Variants in CALCOCO1 observed in about 807,000 individuals in gnomAD.
CALCOCO1 encodes the protein calcium binding and coiled-coil domain 1, also known as calcium-binding and coiled-coil domain-containing protein 1.
In CALCOCO1, 44 loss-of-function variants were observed where a neutral mutation model predicts 86.3. The ratio of observed to expected loss-of-function variants is 0.51; its 90% CI spans 0.40 to 0.66. CALCOCO1 has a LOEUF of 0.66. CALCOCO1 is among the 30% of genes least tolerant of loss of function. The pLI, the probability that CALCOCO1 is intolerant of heterozygous loss-of-function variation, is 0.00. For missense variants in CALCOCO1, 708 were observed against 851.1 expected (o/e 0.83, Z 2.09); for synonymous variants, 297 against 327.6 (o/e 0.91, Z 1.01).
At chr12:53,725,441 C>T (rs985266204) in intron 1 of CALCOCO1, among the ~76,000 whole-genome samples, 175 bp from the exon 2 acceptor site, 2 of 152,210 alleles carry the variant, frequency 1.3e-5, no homozygotes, top group Non-Finnish European at 2.9e-5. Context: ...GTCTCTAGGA[C>T]GTAGGTCTGG....
intron 3 of CALCOCO1, 88 bp from the exon 4 acceptor site, chr12:53,723,871 C>T: frequency 8.9e-7 from 1 of 1,118,842 alleles, no homozygotes; most frequent in Non-Finnish European, 1.3e-6. Context: ...ACTGTTTCTT[C>T]TCTTCTCCAC....
At chr12:53,715,769 G>T in intron 9 of CALCOCO1, 24 bp downstream of exon 9, 2 of 1,606,926 alleles carry the variant, frequency 1.2e-6, no homozygotes, top group Non-Finnish European at 1.7e-6. Flanking sequence ...CCATCAGATT[G>T]CCAGGTACCC....
rs369142899 is a variant in CALCOCO1, at chr12:53,715,361, AG to A, written c.1261-37del. 618 of 1,610,612 alleles carry A rather than the reference AG, an allele frequency of 3.8e-4. 5 individuals are homozygous for A. In the South Asian group the frequency reaches 4.4e-3, roughly 11 times the overall value. On this transcript the variant is annotated intron_variant, in intron 9 of 14. Coordinates refer to ENST00000550804, the MANE Select transcript of CALCOCO1 (RefSeq NM_020898.3). ...GCCAAGAAGGAAAATGGGAGGGTGG[AG>A]GGGGAAGAAAAAGGAACGCCACTGT...
At chr12:53,727,141 C>T (rs955655457) in intron 1 of CALCOCO1, among the ~76,000 whole-genome samples, 3 of 151,924 alleles carry the variant, frequency 2.0e-5, no homozygotes, top group South Asian at 2.1e-4. Context: ...ATTTCAGCTC[C>T]CTTGAAGGGA....
Position 53,712,044 on chromosome 12 carries a change from C to T in CALCOCO1, c.1976G>A (p.Cys659Tyr). 1 of 1,612,502 alleles carries T rather than the reference C, an allele frequency of 6.2e-7. No individual in the cohort carries two copies. The highest frequency in any genetic ancestry group is 2.2e-5 in the East Asian group (1 of 44,842). Reference protein sequence around the residue: ...ATPTWKECPICKERFPAESDK... With the variant: ...ATPTWKECPIYKERFPAESDK... ...ACTCTCAGCAGGAAAGCGCTCCTTA[C>T]AGATAGGACACTCCTTCCATGTGGG... is the stretch of plus-strand genomic sequence containing the variant. Residue 659 changes from cysteine (C) to tyrosine (Y), a missense_variant, in exon 15 of 15, where the codon TGT (cysteine) becomes TAT (tyrosine). Transcript: ENST00000550804.
intron 3 of CALCOCO1, 87 bp downstream of exon 3, chr12:53,724,558 A>C: frequency 1.1e-6 from 1 of 945,012 alleles, no homozygotes; most frequent in Non-Finnish European, 1.7e-6. Context: ...CTTTGTGCCT[A>C]ACTTTTAATG....
chr12:53,714,910 C>T (rs997805014), intron 10 of CALCOCO1, among the ~76,000 whole-genome samples: 2 of 152,286 alleles, frequency 1.3e-5, no homozygotes, highest in South Asian at 2.1e-4. Flanking sequence ...CTCTGCCTCT[C>T]GAGTGGGGAC....
In CALCOCO1 at chr12:53,715,900, G is replaced by C; in HGVS notation, c.1153C>G (p.Leu385Val). The change falls in exon 9 of 15, where the codon CTG (leucine) becomes GTG (valine). Residue 385 changes from leucine (L) to valine (V), a missense_variant. Transcript: ENST00000550804. ...CTGCCGTTAACTTCAGCCACTTCCA[G>C]GCGGCTGCGGTGTAGTTCGGCTATG... ...RTIAELHRSRLEVAEVNGRLA... is the reference protein window; with the variant it reads ...RTIAELHRSRVEVAEVNGRLA... The C allele has an allele frequency of 6.2e-7, 1 of 1,614,202 alleles. No homozygotes were observed. Among genetic ancestry groups the C allele is most frequent in the Non-Finnish European group, 8.5e-7 (1 of 1,180,038 alleles).
Position 53,711,287 on chromosome 12 carries a change from C to G in CALCOCO1, c.*657G>C. ...GAAGGCACAAATACATTATTTCTTT[C>G]CATGTGAGGAGATGCGAGGAGAGGA... is the stretch of plus-strand genomic sequence containing the variant. On this transcript the variant is annotated 3_prime_UTR_variant, in exon 15 of 15. Coordinates refer to ENST00000550804, the MANE Select transcript of CALCOCO1 (RefSeq NM_020898.3). The G allele has an allele frequency of 2.5e-6, 1 of 398,832 alleles. No individual in the cohort carries two copies. Among genetic ancestry groups the G allele is most frequent in the East Asian group, 3.6e-5 (1 of 28,078 alleles). 24.7% of individuals were successfully genotyped at this position (398,832 alleles called of 1,614,324 possible).
rs1305526793 is a variant in CALCOCO1 at position 53,719,733 on chromosome 12, C to A, written c.849+6G>T. 6.2e-7 allele frequency: 1 copy of A among 1,608,582 alleles called. No individual in the cohort carries two copies. Among genetic ancestry groups the A allele is most frequent in the South Asian group, 1.1e-5 (1 of 90,814 alleles). ...GGAGAAAGCAAATCAACTCTGAGCCCCTTACCTCACTTTGCTCCTTGTCTG... is the reference window on the plus strand; with the variant it reads ...GGAGAAAGCAAATCAACTCTGAGCCACTTACCTCACTTTGCTCCTTGTCTG... On this transcript the variant is annotated splice_donor_region_variant and intron_variant, in intron 7 of 14. Transcript: ENST00000550804.
chr12:53,717,122 A>G (rs986857876), intron 7 of CALCOCO1, among the ~76,000 whole-genome samples: 5 of 152,224 alleles, frequency 3.3e-5, no homozygotes, highest in African/African-American at 1.2e-4. Context: ...GTGAAGTAGC[A>G]TGGTCACAGC....
At position 53,722,110 on chromosome 12, in the gene CALCOCO1, G is replaced by A; in HGVS notation, c.524C>T (p.Thr175Ile). Residue 175 changes from threonine to isoleucine, a missense_variant, in exon 5 of 15, where the codon ACA (threonine) becomes ATA (isoleucine). By Grantham distance (89) the Thr-to-Ile change is moderately conservative. Transcript: ENST00000550804. Reference protein sequence around the residue: ...QLKLQLEGQVTELRSRVQELE... With the variant: ...QLKLQLEGQVIELRSRVQELE... ...CTCCTGCACTCGGCTCCTCAGCTCT[G>A]TCACCTGTCCCTCCAGCTGTAGCTT... 6.2e-7 allele frequency: 1 copy of A among 1,613,918 alleles called. No homozygotes were observed. The highest frequency in any genetic ancestry group is 2.2e-5 in the East Asian group (1 of 44,878).
chr12:53,725,541 C>A (rs1403094021), intron 1 of CALCOCO1: 2 of 213,876 alleles, frequency 9.4e-6, no homozygotes, highest in Non-Finnish European at 1.8e-5. Context: ...AATTTTGCTC[C>A]CAAAAGGACA....
At chr12:53,724,881 G>C in intron 2 of CALCOCO1, 134 bp from the exon 3 acceptor site, 1 of 830,426 alleles carries the variant, frequency 1.2e-6, no homozygotes, top group South Asian at 1.8e-5. Context: ...AAGGGAAAGT[G>C]GAGGGACACT....
intron 10 of CALCOCO1, 44 bp from the exon 11 acceptor site, chr12:53,714,737 C>A (rs774051493): frequency 7.0e-7 from 1 of 1,424,198 alleles, no homozygotes; most frequent in Non-Finnish European, 9.9e-7. Flanking sequence ...TAGAATGTAC[C>A]TCCAAGAACC....
Position 53,715,639 on chromosome 12 carries a change from T to A in CALCOCO1, c.1260+154A>T, listed in dbSNP as rs567435249. The A allele has an allele frequency of 2.7e-4, 269 of 1,014,702 alleles. 1 individual carries two copies. In the South Asian group the frequency reaches 4.2e-3, roughly 16 times the overall value. The allele number at this position is 1,014,702 out of a possible 1,614,324, so 62.9% of individuals were successfully genotyped here. ...TTAGGGATGGGTCATGCCTAGAAAG[T>A]AAAGTGTACCTCCCTCAAAGCCCCT... On this transcript the variant is annotated intron_variant, in intron 9 of 14. Coordinates refer to ENST00000550804, the MANE Select transcript of CALCOCO1 (RefSeq NM_020898.3).
At chr12:53,712,160 C>T (rs1375679925) in intron 14 of CALCOCO1, 39 bp from the exon 15 acceptor site, 2 of 1,533,240 alleles carry the variant, frequency 1.3e-6, no homozygotes, top group South Asian at 2.4e-5. Context: ...GGTCGGCGTG[C>T]TCTGTTCCCT....
Position 53,711,140 on chromosome 12 carries a change from G to C in CALCOCO1, c.*804C>G. The C allele has an allele frequency of 2.5e-6, 1 of 397,902 alleles. No homozygotes were observed. The highest frequency in any genetic ancestry group is 4.4e-6 in the Non-Finnish European group (1 of 225,462). 24.6% of individuals were successfully genotyped at this position (397,902 alleles called of 1,614,324 possible). ...TCATACATATCATATAAATATATTT[G>C]TTCAAACTACAAAGGGATGGATATC... On this transcript the variant is annotated 3_prime_UTR_variant, in exon 15 of 15. Transcript: ENST00000550804.
In CALCOCO1 at chr12:53,716,257, C is replaced by T; in HGVS notation, c.1005+3G>A. ...TTTCCTGTTGCCAAGGGGCCTCACT[C>T]ACCACCCGCTGCTGGGCCTGGCCTA... On this transcript the variant is annotated splice_donor_region_variant and intron_variant, in intron 8 of 14. Coordinates refer to ENST00000550804, the MANE Select transcript of CALCOCO1 (RefSeq NM_020898.3). 1 of 1,613,680 alleles carries T rather than the reference C, an allele frequency of 6.2e-7. No individual in the cohort carries two copies. The highest frequency in any genetic ancestry group is 1.1e-5 in the South Asian group (1 of 91,042).
Sources: allele counts gnomAD v4.1 joint callset (sites outside exome capture counted in the v4.1 genomes callset), GRCh38; gene constraint gnomAD v4.1.1; transcripts MANE v1.5; gene names NCBI Gene and HGNC (gene_info 2026-07-23, HGNC 2026-07-21).